SPATA13: variants seen among roughly 807,000 people sequenced by gnomAD.
SPATA13 encodes the protein spermatogenesis associated 13, also known as spermatogenesis-associated protein 13.
In SPATA13, 50 loss-of-function variants were observed where a neutral mutation model predicts 104.0. That is an observed-to-expected ratio of 0.48 (90% confidence interval 0.38 to 0.61). The LOEUF is 0.61. Ranked by LOEUF, SPATA13 falls within the 20% of genes least tolerant of loss-of-function variation. The pLI is 0.00. For synonymous variants in SPATA13, 606 were observed against 667.5 expected (o/e 0.91, Z 1.42); for missense variants, 1,524 against 1,690.6 (o/e 0.90, Z 1.73).
chr13:24,204,443 C>A (rs2077187), intron 1 of SPATA13, among the ~76,000 whole-genome samples: 2,182 of 152,008 alleles, frequency 0.014, 54 homozygotes, highest in African/African-American at 0.05. Flanking sequence ...ATAGGTATAA[C>A]GTAACATTGA....
chr13:24,291,756 A>ATTTTTTATTTTTTATTTTTTATTT (rs1566197950), intron 9 of SPATA13, among the ~76,000 whole-genome samples: 69 of 136,428 alleles, frequency 5.1e-4, no homozygotes, highest in Non-Finnish European at 6.4e-4. Flanking sequence ...TTATTTTTTT[A>ATTTTTTATTTTTTATTTTTTATTT]TTTTTTTTTT....
chr13:23,997,200 T>C (rs1217385749), intron 2 of SPATA13, among the ~76,000 whole-genome samples: 1 of 152,240 alleles, frequency 6.6e-6, no homozygotes, highest in Non-Finnish European at 1.5e-5. Context: ...TTTTATCTTT[T>C]CTTCATTTGT....
At chr13:24,236,861 A>C (rs1166226803) in intron 2 of SPATA13, among the ~76,000 whole-genome samples, 1 of 152,160 alleles carries the variant, frequency 6.6e-6, no homozygotes, top group Non-Finnish European at 1.5e-5. Flanking sequence ...ACATAGAATT[A>C]CTGTATGATC....
rs1030001487 is a variant in SPATA13 at position 24,080,628 on chromosome 13, T to G, written c.-112+62927T>G. ...CTAAGAAGGTAACTTCCCCTTAAAT[T>G]TACAGGTAGATCTGAGATTTCATCG... On this transcript the variant is annotated intron_variant, in intron 3 of 14. Coordinates refer to the SPATA13 transcript ENST00000424834. 1.7e-4 allele frequency among the ~76,000 whole-genome samples: 26 copies of G among 152,084 alleles called. 1 individual carries two copies. Among genetic ancestry groups the G allele is most frequent in the Non-Finnish European group, 1.5e-5 (1 of 67,996 alleles).
chr13:24,302,243 G>A (rs952255883), intron 12 of SPATA13, among the ~76,000 whole-genome samples: 3 of 152,100 alleles, frequency 2.0e-5, no homozygotes, highest in Non-Finnish European at 4.4e-5. Context: ...AACATAACAA[G>A]TGTAGCTACT....
rs761937191 is a variant in SPATA13 at position 24,082,841 on chromosome 13, A to C, written c.-112+65140A>C. Among the ~76,000 whole-genome samples the C allele has an allele frequency of 6.9e-3, 1,042 of 150,530 alleles. 12 individuals carry two copies. Among genetic ancestry groups the C allele is most frequent in the Middle Eastern group, 0.042 (12 of 288 alleles). ...GACTCCGTCTCAAAAAAAAAAAAAA[A>C]AAAAAAAAAAAAATAAGATCTTTGC... On this transcript the variant is annotated intron_variant, in intron 3 of 14. Coordinates refer to the SPATA13 transcript ENST00000424834.
rs1489543926 is a variant in SPATA13, at chr13:24,223,627, C to T, written c.698C>T (p.Ala233Val). 2 of 1,551,802 alleles carry T rather than the reference C, an allele frequency of 1.3e-6. No homozygotes were observed. The highest frequency in any genetic ancestry group is 8.7e-7 in the Non-Finnish European group (1 of 1,147,078). ...ACGATAGCCACTGGCCAGGTGCCCG[C>T]CGTGTGTGAGATTCTCGTGAGGGAC... Reference protein sequence around the residue: ...TPTIATGQVPAVCEILVRDPE... With the variant: ...TPTIATGQVPVVCEILVRDPE... Residue 233 changes from alanine to valine, a missense_variant, in exon 2 of 13, where the codon GCC (alanine) becomes GTC (valine). Ala to Val is a moderately conservative substitution (Grantham distance 64). Transcript: ENST00000382108.
At chr13:24,190,770 C>T (rs953986467) in intron 1 of SPATA13, among the ~76,000 whole-genome samples, 17 of 152,092 alleles carry the variant, frequency 1.1e-4, no homozygotes, top group African/African-American at 3.4e-4. Flanking sequence ...GCTGTGAACA[C>T]GGTTGAAATG....
At chr13:24,159,304 A>G (rs1882368601), upstream of SPATA13, among the ~76,000 whole-genome samples, 1 of 152,238 alleles carries the variant, frequency 6.6e-6, no homozygotes, top group African/African-American at 2.4e-5. Context: ...TTAAAAATAC[A>G]TGGTCATTGT....
chr13:24,226,143 T>C (rs749776992), intron 2 of SPATA13, among the ~76,000 whole-genome samples: 7 of 152,114 alleles, frequency 4.6e-5, no homozygotes, highest in Admixed American at 4.6e-4. Flanking sequence ...CACCATTTGA[T>C]TGGTTGAAAG....
At chr13:24,035,740 G>A (rs1183270898) in intron 3 of SPATA13, among the ~76,000 whole-genome samples, 4 of 152,092 alleles carry the variant, frequency 2.6e-5, no homozygotes, top group Non-Finnish European at 4.4e-5. Flanking sequence ...CTGGCTGAGC[G>A]AGGTGGCGCA....
At chr13:24,116,526 C>G (rs1450531185) in intron 3 of SPATA13, among the ~76,000 whole-genome samples, 7 of 152,144 alleles carry the variant, frequency 4.6e-5, no homozygotes, top group Admixed American at 4.6e-4. Flanking sequence ...TTGCACTCAT[C>G]TCCTGCACTT....
intron 1 of SPATA13, among the ~76,000 whole-genome samples, chr13:24,182,494 CAG>C (rs60047720): frequency 1.1e-4 from 17 of 148,942 alleles, no homozygotes; most frequent in East Asian, 6.0e-4. Flanking sequence ...GAGAGAGAGA[CAG>C]AGAGAGAGAG....
chr13:24,269,907 A>G (rs988844153), intron 4 of SPATA13, among the ~76,000 whole-genome samples: 1 of 150,032 alleles, frequency 6.7e-6, no homozygotes, highest in Admixed American at 6.6e-5. Context: ...TTTTTTTTAG[A>G]GATAGGGTCT....
At chr13:24,235,061 A>C (rs1460472255) in intron 2 of SPATA13, among the ~76,000 whole-genome samples, 1 of 152,244 alleles carries the variant, frequency 6.6e-6, no homozygotes, top group Non-Finnish European at 1.5e-5. Flanking sequence ...TCGGGTTAAT[A>C]GTAGCTTTTA....
At chr13:24,113,819 G>A (rs1010898720) in intron 3 of SPATA13, among the ~76,000 whole-genome samples, 5 of 139,704 alleles carry the variant, frequency 3.6e-5, no homozygotes, top group African/African-American at 5.4e-5. Context: ...ACAGTGAGCC[G>A]AGATTGCACC....
At chr13:24,136,753 G>A (rs1881584055) in intron 3 of SPATA13, among the ~76,000 whole-genome samples, 1 of 152,206 alleles carries the variant, frequency 6.6e-6, no homozygotes, top group South Asian at 2.1e-4. Flanking sequence ...TTTAAGGAGT[G>A]TGAATGGATA....
rs1304590353 is a variant in SPATA13, at chr13:24,302,972, A to G, written c.*199A>G. ...CCTTTGTGGAAGGGAGGAGACGGTC[A>G]TGACACAAAGCTTTATCCTACACAG... On this transcript the variant is annotated 3_prime_UTR_variant, in exon 13 of 13. Coordinates refer to ENST00000382108, the MANE Select transcript of SPATA13 (RefSeq NM_001166271.3). The G allele has an allele frequency of 1.2e-5, 8 of 660,884 alleles. No individual in the cohort carries two copies. Among genetic ancestry groups the G allele is most frequent in the African/African-American group, 3.6e-5 (2 of 55,196 alleles). The allele number at this position is 660,884 out of a possible 1,614,324, so 40.9% of individuals were successfully genotyped here. A position where few individuals can be genotyped will look rare whatever the true frequency, so the allele number is the denominator to read the frequency against.
At chr13:24,179,646 T>C (rs1193466752) in intron 1 of SPATA13, among the ~76,000 whole-genome samples, 1 of 152,204 alleles carries the variant, frequency 6.6e-6, no homozygotes, top group African/African-American at 2.4e-5. Context: ...TCTATTTTAC[T>C]TTCTGTTTCC....
Sources: allele counts gnomAD v4.1 joint callset (sites outside exome capture counted in the v4.1 genomes callset), GRCh38; gene constraint gnomAD v4.1.1; transcripts MANE v1.5; gene names NCBI Gene and HGNC (gene_info 2026-07-23, HGNC 2026-07-21).